EHMT1: variants seen among roughly 807,000 people sequenced by gnomAD.
EHMT1 encodes euchromatic histone lysine methyltransferase 1, also known as histone-lysine N-methyltransferase EHMT1.
A neutral mutation model predicts 147.2 loss-of-function variants in EHMT1; 15 were observed. That is an observed-to-expected ratio of 0.10 (90% CI 0.07 to 0.16). The LOEUF is 0.16. EHMT1 is among the 10% of genes least tolerant of loss of function. EHMT1 has a pLI of 1.00. For synonymous variants in EHMT1, 795 were observed against 709.6 expected (o/e 1.12, Z -1.91); for missense variants, 1,587 against 1,772.4 (o/e 0.90, Z 1.88).
chr9:137,759,030 G>T (rs1238764116), intron 9 of EHMT1, among the ~76,000 whole-genome samples: 1 of 152,024 alleles, frequency 6.6e-6, no homozygotes, highest in Non-Finnish European at 1.5e-5. Flanking sequence ...GGGAGGCTGA[G>T]GCAGGAGAAT....
chr9:137,742,902 C>T (rs1057410338), intron 4 of EHMT1: 2 of 240,094 alleles, frequency 8.3e-6, no homozygotes, highest in Non-Finnish European at 8.2e-6. Flanking sequence ...GGCCTGGCCC[C>T]TGTGCTGGGA....
intron 25 of EHMT1, among the ~76,000 whole-genome samples, chr9:137,826,967 G>T (rs1020184599): frequency 6.6e-6 from 1 of 152,152 alleles, no homozygotes; most frequent in Non-Finnish European, 1.5e-5. Context: ...CCATCAGATC[G>T]CTGCTGGAGG....
rs1027390854 is a variant in EHMT1, at chr9:137,782,553, G to C, written c.2382+156G>C. 1.3e-5 allele frequency among the ~76,000 whole-genome samples: 2 copies of C among 152,220 alleles called. No individual in the cohort carries two copies. The highest frequency in any genetic ancestry group is 4.8e-5 in the African/African-American group (2 of 41,456). On this transcript the variant is annotated intron_variant, in intron 15 of 26. Transcript: ENST00000460843. This position sits in a 1 kb window ranked among gnomAD's most constrained non-coding sequence, Gnocchi z 5.7. ...AGCTTTTCTGCCCCCGAGTCCTGCAGGTGGATCAGTGCTTCCCGCTGTTTC... is the reference window on the plus strand; with the variant it reads ...AGCTTTTCTGCCCCCGAGTCCTGCACGTGGATCAGTGCTTCCCGCTGTTTC...
At chr9:137,807,144 T>C (rs1234375161) in intron 18 of EHMT1, among the ~76,000 whole-genome samples, 2 of 152,254 alleles carry the variant, frequency 1.3e-5, no homozygotes, top group Non-Finnish European at 2.9e-5. Flanking sequence ...CTTCAAATAA[T>C]GTTTTCTGCC....
In EHMT1 at chr9:137,760,438, A is replaced by G. The variant is rs1588566771; in HGVS notation, c.1502-2237A>G. ...GCAGGATCATCTCAGAGACCCCCCC[A>G]GCTTTAAACTTGTAGTGATTTGAAT... On this transcript the variant is annotated intron_variant, in intron 9 of 26. Transcript: ENST00000460843. 2.0e-5 allele frequency among the ~76,000 whole-genome samples: 3 copies of G among 152,220 alleles called. No individual in the cohort carries two copies. The Middle Eastern group carries it at 0.01, about 518-fold the overall frequency.
At position 137,619,034 on chromosome 9, in the gene EHMT1, C is replaced by G; in HGVS notation, c.6C>G (p.Ala2=). The G allele has an allele frequency of 2.1e-6, 2 of 967,300 alleles. No homozygotes were observed. Among genetic ancestry groups the G allele is most frequent in the Non-Finnish European group, 2.5e-6 (2 of 815,366 alleles). The allele number at this position is 967,300 out of a possible 1,614,324, so 59.9% of individuals were successfully genotyped here. A position where few individuals can be genotyped will look rare whatever the true frequency, so the allele number is the denominator to read the frequency against. Reference sequence around the variant, plus strand: ...CCACGCTGCGGGCCCGGGCCATGGCCGCCGCCGATGCCGAGGTGAGCAGCG... The same window carrying G: ...CCACGCTGCGGGCCCGGGCCATGGCGGCCGCCGATGCCGAGGTGAGCAGCG... The part of the protein sequence containing the change: M[A]AADAEAVPAR... The change falls in exon 1 of 27, where the codon GCC becomes GCG. Residue 2 remains alanine (A), a synonymous_variant. Coordinates refer to ENST00000460843, the MANE Select transcript of EHMT1 (RefSeq NM_024757.5).
chr9:137,663,898 A>G (rs747343227), intron 1 of EHMT1, among the ~76,000 whole-genome samples: 12 of 152,254 alleles, frequency 7.9e-5, no homozygotes, highest in African/African-American at 2.2e-4. Flanking sequence ...AGTAAGCTAC[A>G]CATATACCAT....
At chr9:137,669,393 GC>G (rs370118675) in intron 1 of EHMT1, among the ~76,000 whole-genome samples, 365 of 2,204 alleles carry the variant, frequency 0.17, no homozygotes, top group African/African-American at 0.31. Context: ...CACCCAAGAC[GC>G]CCCCCACAGC....
intron 25 of EHMT1, among the ~76,000 whole-genome samples, chr9:137,818,543 G>C (rs1311218422): frequency 6.8e-6 from 1 of 147,652 alleles, no homozygotes; most frequent in African/African-American, 2.6e-5. Context: ...AGACTGTAGA[G>C]AGGCCGACTG....
intron 1 of EHMT1, among the ~76,000 whole-genome samples, chr9:137,634,458 T>A (rs1384193358): frequency 6.6e-6 from 1 of 152,166 alleles, no homozygotes; most frequent in Admixed American, 6.5e-5. Context: ...ATAAATGTGA[T>A]GGTTAATTTC....
In EHMT1 at chr9:137,639,450, A is replaced by G. The variant is rs180817520; in HGVS notation, c.21+20401A>G. On this transcript the variant is annotated intron_variant, in intron 1 of 26. Coordinates refer to ENST00000460843, the MANE Select transcript of EHMT1 (RefSeq NM_024757.5). Reference sequence around the variant, plus strand: ...CAGTACTGTCGAATTTTACATTTTCACTTTCAGTTCTGTTGGTTTTTGCCT... The same window carrying G: ...CAGTACTGTCGAATTTTACATTTTCGCTTTCAGTTCTGTTGGTTTTTGCCT... Among the ~76,000 whole-genome samples the G allele has an allele frequency of 1.5e-4, 23 of 152,168 alleles. No individual in the cohort carries two copies. In the East Asian group the frequency reaches 3.7e-3, roughly 24 times the overall value.
chr9:137,632,124 T>C (rs1349296118), intron 1 of EHMT1, among the ~76,000 whole-genome samples: 2 of 152,220 alleles, frequency 1.3e-5, no homozygotes, highest in African/African-American at 4.8e-5. Flanking sequence ...TGCACAGTGA[T>C]GAAATCACCT....
At position 137,729,466 on chromosome 9, in the gene EHMT1, A is replaced by G. The variant is rs549268579; in HGVS notation, c.823+937A>G. ...GCCGGGCATGGTGGCGGGCGCCTGTAGTCCCAGCTTCTTGGGAGGCTGAGG... is the reference window on the plus strand; with the variant it reads ...GCCGGGCATGGTGGCGGGCGCCTGTGGTCCCAGCTTCTTGGGAGGCTGAGG... On this transcript the variant is annotated intron_variant, in intron 4 of 26. Coordinates refer to ENST00000460843, the MANE Select transcript of EHMT1 (RefSeq NM_024757.5). Among the ~76,000 whole-genome samples the G allele has an allele frequency of 7.9e-5, 12 of 152,168 alleles. No homozygotes were observed. The South Asian group carries it at 2.5e-3, about 32-fold the overall frequency.
chr9:137,823,034 G>A lies in EHMT1; in HGVS notation c.3540+4896G>A, dbSNP rs925542378. Among the ~76,000 whole-genome samples, 7 of 150,354 alleles carry A rather than the reference G, an allele frequency of 4.7e-5. No individual in the cohort carries two copies. The South Asian group carries it at 6.4e-4, about 14-fold the overall frequency. ...CAACGTCTGCCTCCTGGGTTCAAGC[G>A]AGTCTCCTGCTTCAGCCTCCTGAGT... On this transcript the variant is annotated intron_variant, in intron 25 of 26. Transcript: ENST00000460843.
chr9:137,820,421 G>A (rs975436720), intron 25 of EHMT1, among the ~76,000 whole-genome samples: 1 of 152,244 alleles, frequency 6.6e-6, no homozygotes, highest in Non-Finnish European at 1.5e-5. Context: ...TCACTCGTGT[G>A]TGCCACAGAT....
chr9:137,725,607 C>T (rs1433337733), intron 3 of EHMT1, among the ~76,000 whole-genome samples: 2 of 152,108 alleles, frequency 1.3e-5, no homozygotes, highest in Admixed American at 6.5e-5. Flanking sequence ...GAGCCCAGGT[C>T]GTTCTATGTC....
chr9:137,635,665 A>AAC (rs1354867778), intron 1 of EHMT1, among the ~76,000 whole-genome samples: 1 of 151,224 alleles, frequency 6.6e-6, no homozygotes, highest in East Asian at 2.1e-4. Context: ...CTAAAAATAC[A>AAC]AAAAATTAGT....
intron 1 of EHMT1, among the ~76,000 whole-genome samples, chr9:137,645,059 G>T (rs1246414068): frequency 6.6e-6 from 1 of 152,126 alleles, no homozygotes; most frequent in Non-Finnish European, 1.5e-5. Context: ...TTTTAGTAGA[G>T]ACGGGGTTTC....
At chr9:137,704,302 GGGAGGAA>G (rs1944074226) in intron 1 of EHMT1, among the ~76,000 whole-genome samples, 2 of 152,162 alleles carry the variant, frequency 1.3e-5, no homozygotes, top group Non-Finnish European at 2.9e-5. Context: ...GGGAATGTGT[GGGAGGAA>G]GGAGCTCACT....
Sources: allele counts gnomAD v4.1 joint callset (sites outside exome capture counted in the v4.1 genomes callset), GRCh38; gene constraint gnomAD v4.1.1; non-coding constraint Gnocchi (gnomAD v3.1); transcripts MANE v1.5; gene names NCBI Gene and HGNC (gene_info 2026-07-23, HGNC 2026-07-21).